SH3GL2: variants seen among roughly 807,000 people sequenced by gnomAD.
SH3GL2 encodes SH3 domain containing GRB2 like 2, endophilin A1.
SH3GL2 carries 24 observed loss-of-function variants against 46.0 expected under a neutral mutation model. The observed-to-expected ratio is 0.52, with a 90% confidence interval of 0.38 to 0.73. SH3GL2 has a LOEUF of 0.73. Among genes scored for constraint, SH3GL2 ranks in the 30% least tolerant of loss-of-function variants. SH3GL2 has a pLI of 0.00. For synonymous variants in SH3GL2, 196 were observed against 147.1 expected (o/e 1.33, Z -2.40); for missense variants, 413 against 424.2 (o/e 0.97, Z 0.23).
chr9:17,660,399 C>T (rs1178555258), intron 1 of SH3GL2, among the ~76,000 whole-genome samples: 4 of 152,142 alleles, frequency 2.6e-5, no homozygotes, highest in African/African-American at 9.7e-5. Flanking sequence ...AGCGTTCTAC[C>T]CTGACTGTTC....
At chr9:17,701,362 C>T (rs1222452665) in intron 1 of SH3GL2, among the ~76,000 whole-genome samples, 4 of 152,044 alleles carry the variant, frequency 2.6e-5, no homozygotes, top group Non-Finnish European at 4.4e-5. Context: ...AAACCGAAGA[C>T]CTGAGCTGCT....
At chr9:17,698,705 T>C (rs1253472052) in intron 1 of SH3GL2, among the ~76,000 whole-genome samples, 1 of 152,230 alleles carries the variant, frequency 6.6e-6, no homozygotes, top group Non-Finnish European at 1.5e-5. Flanking sequence ...TTTCTGCTTA[T>C]GCAGAAGAGG....
At chr9:17,699,624 C>T (rs899439237) in intron 1 of SH3GL2, among the ~76,000 whole-genome samples, 5 of 152,210 alleles carry the variant, frequency 3.3e-5, no homozygotes, top group African/African-American at 1.2e-4. Flanking sequence ...AGCACTAGCC[C>T]CTCTTGGCTG....
intron 7 of SH3GL2, 86 bp from the exon 8 acceptor site, chr9:17,793,281 A>G (rs1422884922): frequency 2.5e-5 from 31 of 1,236,808 alleles, no homozygotes; most frequent in Non-Finnish European, 3.5e-5. Flanking sequence ...GGGTGACCCA[A>G]GCATTTCCTG....
chr9:17,642,700 C>T (rs1351720868), intron 1 of SH3GL2, among the ~76,000 whole-genome samples: 1 of 152,098 alleles, frequency 6.6e-6, no homozygotes, highest in Non-Finnish European at 1.5e-5. Context: ...CTGTTCTGTT[C>T]CACTGGTCCA....
intron 1 of SH3GL2, among the ~76,000 whole-genome samples, chr9:17,625,411 A>C (rs867399967): frequency 4.6e-5 from 7 of 152,238 alleles, no homozygotes; most frequent in African/African-American, 1.7e-4. Context: ...ATTGCCTCCT[A>C]ACTTGCAAGT....
chr9:17,782,984 T>C (rs905498447), intron 3 of SH3GL2, among the ~76,000 whole-genome samples: 2 of 152,092 alleles, frequency 1.3e-5, no homozygotes, highest in Non-Finnish European at 2.9e-5. Flanking sequence ...AGGAAGGGAC[T>C]CTGGGCAGTG....
chr9:17,681,060 A>T (rs879616997), intron 1 of SH3GL2, among the ~76,000 whole-genome samples: 15 of 152,142 alleles, frequency 9.9e-5, no homozygotes, highest in Non-Finnish European at 1.2e-4. Flanking sequence ...CTATGTGGTC[A>T]ATTTTGGAAT....
intron 1 of SH3GL2, among the ~76,000 whole-genome samples, chr9:17,690,269 T>C (rs913998122): frequency 6.6e-6 from 1 of 152,130 alleles, no homozygotes; most frequent in African/African-American, 2.4e-5. Flanking sequence ...ACCTGTCCTT[T>C]TACTGCATTC....
chr9:17,791,353 C>T lies in SH3GL2; in HGVS notation c.728+19C>T. The T allele has an allele frequency of 1.4e-6, 2 of 1,442,790 alleles. No homozygotes were observed. The highest frequency in any genetic ancestry group is 2.0e-6 in the Non-Finnish European group (2 of 1,024,030). 89.4% of individuals were successfully genotyped at this position (1,442,790 alleles called of 1,614,324 possible). A position where few individuals can be genotyped will look rare whatever the true frequency, so the allele number is the denominator to read the frequency against. The stretch of plus-strand genomic sequence containing the variant: ...AAGAAAGGTATTCTACAGTTCCCTG[C>T]ATTTCACATTTGCATTTTATTGCTA... On this transcript the variant is annotated intron_variant, in intron 7 of 8. Transcript: ENST00000380607.
chr9:17,757,547 A>G (rs959460252), intron 2 of SH3GL2, among the ~76,000 whole-genome samples: 2 of 152,198 alleles, frequency 1.3e-5, no homozygotes, highest in African/African-American at 2.4e-5. Context: ...GGCTCCTCAC[A>G]CCAATCCCAG....
intron 1 of SH3GL2, among the ~76,000 whole-genome samples, chr9:17,740,634 C>T (rs1471874625): frequency 2.0e-5 from 3 of 152,036 alleles, no homozygotes; most frequent in South Asian, 4.1e-4. Flanking sequence ...ATAGCTATTT[C>T]GTCTTTCTAA....
chr9:17,724,744 T>C (rs1821980886), intron 1 of SH3GL2, among the ~76,000 whole-genome samples: 1 of 152,302 alleles, frequency 6.6e-6, no homozygotes, highest in African/African-American at 2.4e-5. Context: ...GTTTAGTGAC[T>C]TGGCTTTACT....
rs367994703 is a variant in SH3GL2 at position 17,704,681 on chromosome 9, G to T, written c.46-42385G>T. On this transcript the variant is annotated intron_variant, in intron 1 of 8. Coordinates refer to ENST00000380607, the MANE Select transcript of SH3GL2 (RefSeq NM_003026.5). ...AAAGTTGACAAAAAGAAGCAATGGG[G>T]GAAAGTACTCCTTATTCAGTAAATG... 7.9e-5 allele frequency among the ~76,000 whole-genome samples: 12 copies of T among 152,086 alleles called. No homozygotes were observed. In the East Asian group the frequency reaches 2.3e-3, roughly 29 times the overall value.
At chr9:17,701,514 G>A in intron 1 of SH3GL2, among the ~76,000 whole-genome samples, 1 of 152,164 alleles carries the variant, frequency 6.6e-6, no homozygotes, top group South Asian at 2.1e-4. Flanking sequence ...TGGGGAACAG[G>A]TAGTAAAATA....
At chr9:17,591,242 C>G (rs1818476658) in intron 1 of SH3GL2, 1 of 152,128 alleles carries the variant, frequency 6.6e-6, no homozygotes, top group Admixed American at 6.5e-5. Flanking sequence ...ACTGTTACGT[C>G]TTCCCCTTTT....
intron 1 of SH3GL2, among the ~76,000 whole-genome samples, chr9:17,702,615 A>G (rs1821366484): frequency 6.6e-6 from 1 of 152,232 alleles, no homozygotes; most frequent in South Asian, 2.1e-4. Context: ...CATTGCATCT[A>G]AAACAACCTG....
intron 1 of SH3GL2, among the ~76,000 whole-genome samples, chr9:17,667,714 C>G (rs185265803): frequency 1.9e-4 from 29 of 152,168 alleles, no homozygotes; most frequent in African/African-American, 6.5e-4. Flanking sequence ...TTATGTTTAA[C>G]CTTTTGAGGT....
intron 1 of SH3GL2, among the ~76,000 whole-genome samples, chr9:17,693,987 A>G (rs1821145990): frequency 2.0e-5 from 3 of 151,994 alleles, no homozygotes; most frequent in Admixed American, 2.0e-4. Flanking sequence ...GCTATATTTT[A>G]TTTTCCTACT....
Sources: allele counts gnomAD v4.1 joint callset (sites outside exome capture counted in the v4.1 genomes callset), GRCh38; gene constraint gnomAD v4.1.1; transcripts MANE v1.5; gene names NCBI Gene and HGNC (gene_info 2026-07-23, HGNC 2026-07-21).